Variants in KAZN observed in about 807,000 individuals in gnomAD.
KAZN encodes kazrin, periplakin interacting protein.
A neutral mutation model predicts 87.4 loss-of-function variants in KAZN; 40 were observed. The ratio of observed to expected loss-of-function variants is 0.46; its 90% CI spans 0.36 to 0.60. KAZN has a LOEUF of 0.60. Ranked by LOEUF, KAZN falls within the 20% of genes least tolerant of loss-of-function variation. The pLI, the probability that KAZN is intolerant of heterozygous loss-of-function variation, is 0.00. For synonymous variants in KAZN, 466 were observed against 458.3 expected, an observed-to-expected ratio of 1.02 and a Z score of -0.22; for missense variants, 898 against 1,073.9, an observed-to-expected ratio of 0.84 and a Z score of 2.29.
chr1:14,185,259 T>C (rs1646279889), intron 2 of KAZN, among the ~76,000 whole-genome samples: 1 of 152,190 alleles, frequency 6.6e-6, no homozygotes, highest in African/African-American at 2.4e-5. Context: ...GAAGAAACTC[T>C]GACATTAGAA....
chr1:13,954,889 T>C (rs765439774), intron 1 of KAZN, among the ~76,000 whole-genome samples: 3 of 152,244 alleles, frequency 2.0e-5, no homozygotes, highest in Non-Finnish European at 4.4e-5. Context: ...TGCTATGCTG[T>C]GTTTTTCATC....
At chr1:14,569,467 C>T (rs564868964) in intron 2 of KAZN, among the ~76,000 whole-genome samples, 44 of 151,760 alleles carry the variant, frequency 2.9e-4, no homozygotes, top group African/African-American at 1.0e-3. Context: ...GGATTACAGG[C>T]GCCTGTCACC....
intron 1 of KAZN, among the ~76,000 whole-genome samples, chr1:14,904,283 C>T (rs1396020725): frequency 2.4e-5 from 3 of 123,818 alleles, no homozygotes; most frequent in South Asian, 2.6e-4. Context: ...CCGGCCTGGG[C>T]GAAAGAGCGA....
chr1:14,570,709 G>T (rs1000437754), intron 2 of KAZN, among the ~76,000 whole-genome samples: 1 of 152,192 alleles, frequency 6.6e-6, no homozygotes, highest in African/African-American at 2.4e-5. Context: ...ACGAGTGTTT[G>T]TGTGGACGTA....
rs374241424 is a variant in KAZN at position 14,454,977 on chromosome 1, G to A, written c.250-144006G>A. Among the ~76,000 whole-genome samples the A allele has an allele frequency of 3.7e-4, 57 of 152,280 alleles. 1 individual carries two copies. In the East Asian group the frequency reaches 8.3e-3, roughly 22 times the overall value. On this transcript the variant is annotated intron_variant, in intron 2 of 16. Transcript: ENST00000636203. ...GCAGGCACCTGAAGGCTTGACCAGGGCCAGAAGCAGGAAGCCTCCATTCCT... is the reference window on the plus strand; with the variant it reads ...GCAGGCACCTGAAGGCTTGACCAGGACCAGAAGCAGGAAGCCTCCATTCCT...
chr1:14,642,950 G>T (rs1414508580), intron 1 of KAZN, among the ~76,000 whole-genome samples: 9 of 152,232 alleles, frequency 5.9e-5, no homozygotes. Context: ...CTCTGGAAGA[G>T]ATTTGGCACT....
At chr1:14,600,585 C>T (rs1315506925) in intron 1 of KAZN, among the ~76,000 whole-genome samples, 1 of 148,802 alleles carries the variant, frequency 6.7e-6, no homozygotes, top group Non-Finnish European at 1.5e-5. Flanking sequence ...CTAGTGCTTG[C>T]TGCAAGCTTG....
intron 1 of KAZN, among the ~76,000 whole-genome samples, chr1:14,675,263 G>A (rs868078916): frequency 5.9e-5 from 9 of 152,190 alleles, no homozygotes; most frequent in African/African-American, 2.2e-4. Context: ...ACTTGAAGTA[G>A]GATTGGGTTG....
intron 1 of KAZN, among the ~76,000 whole-genome samples, chr1:14,052,650 AG>A (rs934763062): frequency 6.6e-6 from 1 of 152,086 alleles, no homozygotes; most frequent in African/African-American, 2.4e-5. Flanking sequence ...TGGGATGTGT[AG>A]GGGGGCAGAG....
At chr1:14,827,789 G>A (rs1646939821) in intron 1 of KAZN, among the ~76,000 whole-genome samples, 1 of 152,226 alleles carries the variant, frequency 6.6e-6, no homozygotes, top group Non-Finnish European at 1.5e-5. Flanking sequence ...TAATGAGTGG[G>A]CATGTCTATG....
chr1:14,605,970 G>A (rs984621699), intron 1 of KAZN, among the ~76,000 whole-genome samples: 5 of 152,228 alleles, frequency 3.3e-5, no homozygotes, highest in Admixed American at 2.0e-4. Context: ...TTTCAGGAAT[G>A]CATTCAGTCT....
intron 2 of KAZN, among the ~76,000 whole-genome samples, chr1:14,428,509 G>A (rs1487368702): frequency 6.6e-6 from 1 of 152,130 alleles, no homozygotes; most frequent in Non-Finnish European, 1.5e-5. Context: ...ACCCTACAAA[G>A]ATCTTTTCTA....
chr1:14,405,606 A>ATATGTGTGTGTGTGTGTGTGTGTGTGTG (rs760881462), intron 2 of KAZN, among the ~76,000 whole-genome samples: 1 of 136,220 alleles, frequency 7.3e-6, no homozygotes, highest in African/African-American at 2.7e-5. Flanking sequence ...ACCCAATAAA[A>ATATGTGTGTGTGTGTGTGTGTGTGTGTG]TGTGTGTGTG....
intron 1 of KAZN, among the ~76,000 whole-genome samples, chr1:13,905,535 G>A (rs1280133272): frequency 6.6e-6 from 1 of 151,658 alleles, no homozygotes; most frequent in Non-Finnish European, 1.5e-5. Flanking sequence ...CTGTGTTCAG[G>A]ACCCACATCC....
At chr1:14,322,276 A>AAAGT (rs60372627) in intron 2 of KAZN, among the ~76,000 whole-genome samples, 13,473 of 151,352 alleles carry the variant, frequency 0.089, 752 homozygotes, top group East Asian at 0.23. Flanking sequence ...ATAAATAAAT[A>AAAGT]AAGTAAGTAA....
At chr1:14,073,479 C>T (rs1643323926) in intron 1 of KAZN, among the ~76,000 whole-genome samples, 1 of 152,038 alleles carries the variant, frequency 6.6e-6, no homozygotes, top group African/African-American at 2.4e-5. Context: ...TATACATGTG[C>T]CATGGTGGTT....
At chr1:14,561,278 A>G (rs1674237406) in intron 2 of KAZN, among the ~76,000 whole-genome samples, 2 of 152,342 alleles carry the variant, frequency 1.3e-5, no homozygotes, top group African/African-American at 4.8e-5. Flanking sequence ...GAGTGGGTAA[A>G]CACTCTGGGG....
At chr1:14,623,959 G>A (rs1418950116) in intron 1 of KAZN, among the ~76,000 whole-genome samples, 1 of 151,964 alleles carries the variant, frequency 6.6e-6, no homozygotes, top group Admixed American at 6.6e-5. Context: ...CTTAGAATAT[G>A]GTATATCTTG....
chr1:14,946,951 G>C (rs1661877089), intron 1 of KAZN, among the ~76,000 whole-genome samples: 1 of 152,206 alleles, frequency 6.6e-6, no homozygotes, highest in Non-Finnish European at 1.5e-5. Flanking sequence ...CAGAAAGTTA[G>C]CTCTCCCGCC....
Sources: allele counts gnomAD v4.1 joint callset (sites outside exome capture counted in the v4.1 genomes callset), GRCh38; gene constraint gnomAD v4.1.1; transcripts MANE v1.5; gene names NCBI Gene and HGNC (gene_info 2026-07-23, HGNC 2026-07-21).